The following RNF220 variants were observed in gnomAD, a reference collection of about 807,000 sequenced individuals.
RNF220 encodes ring finger protein 220.
Under a neutral mutation model 67.1 loss-of-function variants are expected in RNF220, and 7 were observed. The ratio of observed to expected loss-of-function variants is 0.10; its 90% confidence interval spans 0.06 to 0.20. The LOEUF is 0.20. RNF220 is among the 10% of genes least tolerant of loss of function. The pLI, the probability that RNF220 is intolerant of heterozygous loss-of-function variation, is 1.00. For missense variants in RNF220, 565 were observed against 740.3 expected (o/e 0.76, Z 2.75); for synonymous variants, 270 against 283.2 (o/e 0.95, Z 0.47).
chr1:44,511,008 C>A (rs1052746316), intron 2 of RNF220, among the ~76,000 whole-genome samples: 1 of 152,186 alleles, frequency 6.6e-6, no homozygotes, highest in Non-Finnish European at 1.5e-5. Context: ...AGAACACTCT[C>A]GCAGTGGGGG....
chr1:44,583,903 C>G (rs1180936285), intron 2 of RNF220, among the ~76,000 whole-genome samples: 1 of 152,220 alleles, frequency 6.6e-6, no homozygotes, highest in Non-Finnish European at 1.5e-5. Flanking sequence ...GACAAGTAGA[C>G]AGCAAATTAT....
intron 2 of RNF220, among the ~76,000 whole-genome samples, chr1:44,498,606 G>A (rs1222813246): frequency 1.3e-5 from 2 of 152,130 alleles, no homozygotes; most frequent in Non-Finnish European, 2.9e-5. Flanking sequence ...TGCAGCCGTG[G>A]TTGAGACCTG....
intron 2 of RNF220, among the ~76,000 whole-genome samples, chr1:44,543,118 C>A (rs1661810543): frequency 6.6e-6 from 1 of 152,090 alleles, no homozygotes; most frequent in East Asian, 1.9e-4. Flanking sequence ...CCTCCCCCAG[C>A]CTCAGCACAG....
In RNF220 at chr1:44,645,244, T is replaced by C. The variant is rs748336509; in HGVS notation, c.1334T>C (p.Ile445Thr). 6.2e-7 allele frequency: 1 copy of C among 1,613,986 alleles called. No homozygotes were observed. The highest frequency in any genetic ancestry group is 8.5e-7 in the Non-Finnish European group (1 of 1,179,972). Residue 445 changes from isoleucine to threonine, a missense_variant, in exon 11 of 15, where the codon ATC becomes ACC. Coordinates refer to ENST00000361799, the MANE Select transcript of RNF220 (RefSeq NM_018150.4). This position sits in a 1 kb window ranked among gnomAD's most constrained non-coding sequence, Gnocchi z 5.0. ...VLNGGPPSTR[I>T]TPEFSKWASD... ...AGTGGCGGCCCTCCCAGCACGCGCATCACACCTGAGTTCTCTAAATGGGCC... is the reference window on the plus strand; with the variant it reads ...AGTGGCGGCCCTCCCAGCACGCGCACCACACCTGAGTTCTCTAAATGGGCC...
intron 2 of RNF220, among the ~76,000 whole-genome samples, chr1:44,454,755 A>G (rs1408034411): frequency 6.6e-6 from 1 of 152,014 alleles, no homozygotes; most frequent in Non-Finnish European, 1.5e-5. Flanking sequence ...ACATATAATC[A>G]TTTAACCACC....
chr1:44,534,646 G>C (rs1661067793), intron 2 of RNF220, among the ~76,000 whole-genome samples: 1 of 152,172 alleles, frequency 6.6e-6, no homozygotes, highest in Non-Finnish European at 1.5e-5. Flanking sequence ...TCAAGTATCA[G>C]AATGAGGTGG....
At chr1:44,583,432 AAC>A (rs1222874960) in intron 2 of RNF220, among the ~76,000 whole-genome samples, 1 of 152,160 alleles carries the variant, frequency 6.6e-6, no homozygotes, top group Non-Finnish European at 1.5e-5. Context: ...TAGCTGTTCA[AAC>A]AGATACTAGA....
intron 2 of RNF220, among the ~76,000 whole-genome samples, chr1:44,463,256 A>AC (rs1181875168): frequency 6.6e-6 from 1 of 151,780 alleles, no homozygotes; most frequent in Non-Finnish European, 1.5e-5. Flanking sequence ...AATCGTTTCA[A>AC]CCCGGGAGGC....
Position 44,632,400 on chromosome 1 carries a change from G to GCCCCAGCCCCCCCCC in RNF220, c.949+19_949+20insAGCCCCCCCCCCCCC. On this transcript the variant is annotated intron_variant, in intron 6 of 14. Coordinates refer to ENST00000361799, the MANE Select transcript of RNF220 (RefSeq NM_018150.4). Reference sequence around the variant, plus strand: ...CCGACTGAATGGTGAGTCCTGCCCGGCCCCTCCCTCCGCCCCACCCCCGGC... The same window carrying GCCCCAGCCCCCCCCC: ...CCGACTGAATGGTGAGTCCTGCCCGGCCCCAGCCCCCCCCCCCCCTCCCTCCGCCCCACCCCCGGC... 1 of 1,607,452 alleles carries GCCCCAGCCCCCCCCC rather than the reference G, an allele frequency of 6.2e-7. No individual in the cohort carries two copies. Among genetic ancestry groups the GCCCCAGCCCCCCCCC allele is most frequent in the East Asian group, 2.2e-5 (1 of 44,634 alleles).
chr1:44,482,895 G>GT (rs755129923), intron 2 of RNF220, among the ~76,000 whole-genome samples: 254 of 134,916 alleles, frequency 1.9e-3, no homozygotes, highest in Non-Finnish European at 3.0e-3. Context: ...TGCTGGGATT[G>GT]TAAGAGTGAG....
At chr1:44,581,646 G>C (rs1263765760) in intron 2 of RNF220, among the ~76,000 whole-genome samples, 1 of 152,200 alleles carries the variant, frequency 6.6e-6, no homozygotes, top group South Asian at 2.1e-4. Flanking sequence ...TCTGGAGAGA[G>C]AGCTGAGGGA....
intron 1 of RNF220, 21 bp from the exon 2 acceptor site, chr1:44,411,960 T>G: frequency 1.0e-6 from 1 of 975,414 alleles, no homozygotes; most frequent in South Asian, 1.9e-5. Context: ...CCTTCTTTTT[T>G]TCTCTTTGCT....
intron 2 of RNF220, among the ~76,000 whole-genome samples, chr1:44,419,101 C>T (rs1416626615): frequency 6.6e-6 from 1 of 152,082 alleles, no homozygotes; most frequent in African/African-American, 2.4e-5. Flanking sequence ...TTTCCCAGTG[C>T]CATTTTATCC....
intron 2 of RNF220, among the ~76,000 whole-genome samples, chr1:44,443,773 TCATGAAA>T (rs1371898859): frequency 3.7e-4 from 56 of 152,224 alleles, no homozygotes; most frequent in African/African-American, 1.3e-3. Context: ...TGATGAACAC[TCATGAAA>T]CCACATCCAG....
chr1:44,518,033 G>C (rs1036293632), intron 2 of RNF220, among the ~76,000 whole-genome samples: 1 of 152,194 alleles, frequency 6.6e-6, no homozygotes, highest in African/African-American at 2.4e-5. Context: ...CTTGAACCCG[G>C]GAGGCGGAGG....
At chr1:44,613,425 TTG>T (rs1184992319) in intron 2 of RNF220, among the ~76,000 whole-genome samples, 7 of 152,236 alleles carry the variant, frequency 4.6e-5, no homozygotes, top group Non-Finnish European at 1.0e-4. Context: ...CCACAGAGCA[TTG>T]TGTGTCTCCA....
Position 44,425,650 on chromosome 1 carries a change from T to C in RNF220, c.625+12928T>C, listed in dbSNP as rs76536087. ...CCGTGTGATGCTGGGTAAGTCTCTG[T>C]TTCTCTGAGCCCCAGCTCCTCATAT... On this transcript the variant is annotated intron_variant, in intron 2 of 14. Coordinates refer to ENST00000361799, the MANE Select transcript of RNF220 (RefSeq NM_018150.4). Among the ~76,000 whole-genome samples, 1,265 of 152,294 alleles carry C rather than the reference T, an allele frequency of 8.3e-3. 19 individuals carry two copies. Among genetic ancestry groups the C allele is most frequent in the African/African-American group, 0.029 (1,217 of 41,550 alleles).
intron 2 of RNF220, among the ~76,000 whole-genome samples, chr1:44,413,017 C>G (rs777604031): frequency 6.6e-6 from 1 of 152,174 alleles, no homozygotes; most frequent in Admixed American, 6.5e-5. Flanking sequence ...CACCGACGTA[C>G]TGAAGTGAAT....
intron 2 of RNF220, among the ~76,000 whole-genome samples, chr1:44,533,635 G>A (rs1038733473): frequency 6.6e-6 from 1 of 152,218 alleles, no homozygotes; most frequent in African/African-American, 2.4e-5. Context: ...CACCTGCCCT[G>A]AAGAGGTTCA....
Sources: gnomAD v4.1 joint callset for allele counts (sites outside exome capture counted in the v4.1 genomes callset) on GRCh38, gnomAD v4.1.1 for gene constraint, Gnocchi (gnomAD v3.1) non-coding constraint, MANE v1.5 for transcripts, NCBI Gene and HGNC (gene_info 2026-07-23, HGNC 2026-07-21) for gene names.